Variants in LY75 observed in about 807,000 individuals in gnomAD.
The protein encoded by LY75 is lymphocyte antigen 75.
LY75 carries 185 observed loss-of-function variants against 231.7 expected under a neutral mutation model. The observed-to-expected ratio is 0.80, with a 90% CI of 0.71 to 0.90. LY75 has a LOEUF of 0.90. Ranked by LOEUF, LY75 falls within the 40% of genes least tolerant of loss-of-function variation. The pLI is 0.00. For missense variants in LY75, 1,947 were observed against 2,050.2 expected, an observed-to-expected ratio of 0.95 and a Z score of 0.97; for synonymous variants, 668 against 689.0, an observed-to-expected ratio of 0.97 and a Z score of 0.48.
chr2:159,838,032 C>A (rs928781090), intron 25 of LY75, among the ~76,000 whole-genome samples: 3 of 152,186 alleles, frequency 2.0e-5, no homozygotes, highest in Admixed American at 2.0e-4. Flanking sequence ...CTTCACATAA[C>A]CCAGAGCTGC....
intron 11 of LY75, among the ~76,000 whole-genome samples, chr2:159,877,009 C>CAAAA (rs58831835): frequency 2.9e-4 from 26 of 90,518 alleles, no homozygotes; most frequent in Admixed American, 4.6e-4. Flanking sequence ...AACTCCATCT[C>CAAAA]AAAAAAAAAA....
intron 14 of LY75, among the ~76,000 whole-genome samples, chr2:159,862,566 AAAG>A (rs533454387): frequency 9.7e-4 from 148 of 152,288 alleles, no homozygotes; most frequent in African/African-American, 3.2e-3. Context: ...TTAAAAATAA[AAAG>A]AAGACTTGTA....
rs1270256216 is a variant in LY75 at position 159,803,783 on chromosome 2, C to A, written c.*1261G>T. ...TCATAATTTTACATTTGTTAGTAGT[C>A]ATCACAAGGTTTAGAGTTCCACTGA... is the stretch of plus-strand genomic sequence containing the variant. On this transcript the variant is annotated 3_prime_UTR_variant, in exon 35 of 35. Transcript: ENST00000263636. 6.6e-6 allele frequency: 1 copy of A among 152,196 alleles called. No homozygotes were observed. Among genetic ancestry groups the A allele is most frequent in the Non-Finnish European group, 1.5e-5 (1 of 68,032 alleles). The allele number at this position is 152,196 out of a possible 1,614,324, so 9.4% of individuals were successfully genotyped here.
At chr2:159,840,537 A>T (rs1683991163) in intron 25 of LY75, among the ~76,000 whole-genome samples, 192 bp downstream of exon 25, 1 of 152,100 alleles carries the variant, frequency 6.6e-6, no homozygotes, top group Non-Finnish European at 1.5e-5. Context: ...ACACCACTGT[A>T]CTCCAGCCTG....
At chr2:159,874,272 T>A (rs1256483381) in intron 12 of LY75, among the ~76,000 whole-genome samples, 1 of 108,926 alleles carries the variant, frequency 9.2e-6, no homozygotes, top group East Asian at 2.7e-4. Flanking sequence ...TAAATATATA[T>A]AAATATATTG....
chr2:159,863,943 T>C (rs141130437), intron 14 of LY75, among the ~76,000 whole-genome samples: 1 of 152,320 alleles, frequency 6.6e-6, no homozygotes, highest in East Asian at 1.9e-4. Context: ...GTCAGTACAG[T>C]AACATGTTCA....
chr2:159,831,260 C>G (rs1445439988), intron 28 of LY75, among the ~76,000 whole-genome samples: 2 of 152,124 alleles, frequency 1.3e-5, no homozygotes, highest in Non-Finnish European at 2.9e-5. Context: ...GCACCTCCTC[C>G]TTCACTCTCT....
In LY75 at chr2:159,831,680, T is replaced by C; in HGVS notation, c.3948A>G (p.Ile1316Met). The change falls in exon 28 of 35, where the codon ATA becomes ATG. Residue 1316 changes from isoleucine to methionine, a missense_variant. By Grantham distance (10) the Ile-to-Met change is conservative. Coordinates refer to ENST00000263636, the MANE Select transcript of LY75 (RefSeq NM_002349.4). The part of the protein sequence containing the change: ...NYMASWVMLG[I>M]TYRNKSLMWF... ...AGATTTACAACTTACTTCTATAAGT[T>C]ATTCCTAACATGACCCATGAAGCCA... 1 of 1,608,986 alleles carries C rather than the reference T, an allele frequency of 6.2e-7. No individual in the cohort carries two copies. The highest frequency in any genetic ancestry group is 1.1e-5 in the South Asian group (1 of 89,222).
chr2:159,808,335 C>A (rs1682849944), intron 33 of LY75, 114 bp downstream of exon 33: 1 of 1,557,358 alleles, frequency 6.4e-7, no homozygotes, highest in Non-Finnish European at 8.7e-7. Flanking sequence ...GCTTATTTAT[C>A]CAGAAGAGGC....
chr2:159,896,914 A>G (rs1326591169), intron 2 of LY75, among the ~76,000 whole-genome samples: 4 of 152,160 alleles, frequency 2.6e-5, no homozygotes, highest in Non-Finnish European at 4.4e-5. Flanking sequence ...CTTTAAAAAA[A>G]GCTTTAGTGT....
chr2:159,872,865 C>A (rs966127328), intron 12 of LY75, among the ~76,000 whole-genome samples: 8 of 152,164 alleles, frequency 5.3e-5, no homozygotes, highest in Admixed American at 3.3e-4. Flanking sequence ...TCCACGTTCT[C>A]CTGTATTCCT....
In LY75 at chr2:159,880,946, G is replaced by T; in HGVS notation, c.1404+137C>A. On this transcript the variant is annotated intron_variant, in intron 8 of 34. Transcript: ENST00000263636. ...CCCAATTCTTAACAGGTAATGGTCCGTGGCTCTGTACCCTGATCCAGAGTG... is the reference window on the plus strand; with the variant it reads ...CCCAATTCTTAACAGGTAATGGTCCTTGGCTCTGTACCCTGATCCAGAGTG... 3 of 1,059,792 alleles carry T rather than the reference G, an allele frequency of 2.8e-6. No individual in the cohort carries two copies. The South Asian group carries it at 5.5e-5, about 19-fold the overall frequency. The allele number at this position is 1,059,792 out of a possible 1,614,324, so 65.6% of individuals were successfully genotyped here. A position where few individuals can be genotyped will look rare whatever the true frequency, so the allele number is the denominator to read the frequency against.
At position 159,872,547 on chromosome 2, in the gene LY75, G is replaced by A; in HGVS notation, c.2021C>T (p.Ala674Val). ...RIVRKRNWEE[A>V]ERFCQALGAH... ...TCCAAGGGCTTGGCAGAATCGTTCA[G>A]CTTCTTCCCAGTTCCTCTTTCTTAC... The change falls in exon 13 of 35, where the codon GCT becomes GTT. Residue 674 changes from alanine (A) to valine (V), a missense_variant. By Grantham distance (64) the Ala-to-Val change is moderately conservative. Coordinates refer to ENST00000263636, the MANE Select transcript of LY75 (RefSeq NM_002349.4). 2 of 1,613,912 alleles carry A rather than the reference G, an allele frequency of 1.2e-6. No homozygotes were observed. Among genetic ancestry groups the A allele is most frequent in the African/African-American group, 1.3e-5 (1 of 75,044 alleles).
intron 15 of LY75, among the ~76,000 whole-genome samples, chr2:159,859,468 C>T (rs1317040536): frequency 1.3e-5 from 2 of 151,774 alleles, no homozygotes; most frequent in Admixed American, 1.3e-4. Context: ...CCTCCAAATC[C>T]ACTTCTTGGC....
chr2:159,834,987 G>A (rs1574541732), intron 26 of LY75, among the ~76,000 whole-genome samples: 1 of 152,186 alleles, frequency 6.6e-6, no homozygotes, highest in East Asian at 1.9e-4. Context: ...ATGTTCTCTA[G>A]GGATTTACAA....
chr2:159,815,527 T>C lies in LY75; in HGVS notation c.4427A>G (p.Tyr1476Cys), dbSNP rs1359281058. 1.2e-6 allele frequency: 2 copies of C among 1,613,904 alleles called. No homozygotes were observed. The highest frequency in any genetic ancestry group is 1.1e-5 in the South Asian group (1 of 91,056). Residue 1476 changes from tyrosine (Y) to cysteine (C), a missense_variant, in exon 31 of 35, where the codon TAT (tyrosine) becomes TGT (cysteine). Coordinates refer to ENST00000263636, the MANE Select transcript of LY75 (RefSeq NM_002349.4). ...FEWSDGSTFDYIPWKGQTSPG... is the reference protein window; with the variant it reads ...FEWSDGSTFDCIPWKGQTSPG... ...AGATGTTTGGCCTTTCCATGGGATA[T>C]AGTCAAATGTACTACCATCAGACCA...
At chr2:159,872,265 A>G in intron 13 of LY75, 186 bp downstream of exon 13, 1 of 630,958 alleles carries the variant, frequency 1.6e-6, no homozygotes, top group South Asian at 3.1e-5. Context: ...TCATTTTTAG[A>G]TTCCTCATAG....
intron 21 of LY75, among the ~76,000 whole-genome samples, chr2:159,851,075 A>C (rs1245352025): frequency 6.6e-6 from 1 of 151,810 alleles, no homozygotes; most frequent in Non-Finnish European, 1.5e-5. Context: ...CTTAATCATC[A>C]TCTCCTTATG....
chr2:159,851,424 C>T (rs753101526), intron 21 of LY75, among the ~76,000 whole-genome samples: 3 of 152,058 alleles, frequency 2.0e-5, no homozygotes, highest in Admixed American at 6.6e-5. Flanking sequence ...ACAAACTCAT[C>T]GGGTAACTTC....
Sources: allele counts gnomAD v4.1 joint callset (sites outside exome capture counted in the v4.1 genomes callset), GRCh38; gene constraint gnomAD v4.1.1; transcripts MANE v1.5; gene names NCBI Gene and HGNC (gene_info 2026-07-23, HGNC 2026-07-21).